Variants in WASHC4 observed in about 807,000 individuals in gnomAD.
WASHC4 encodes the protein WASH complex subunit 7.
WASHC4 carries 86 observed loss-of-function variants against 166.6 expected under a neutral mutation model. The observed-to-expected ratio is 0.52, with a 90% CI of 0.43 to 0.62. The LOEUF (loss-of-function observed/expected upper bound fraction) is 0.62, where lower values mean the gene tolerates loss of function less well. Ranked by LOEUF, WASHC4 falls within the 20% of genes least tolerant of loss-of-function variation. The probability of loss-of-function intolerance (pLI) is 0.00; values close to 1 mark genes in which losing one functional copy is unlikely to be tolerated. For synonymous variants in WASHC4, 446 were observed against 451.6 expected (o/e 0.99, Z 0.16); for missense variants, 1,262 against 1,382.4 (o/e 0.91, Z 1.38).
At chr12:105,149,476 C>T in intron 24 of WASHC4, 139 bp from the exon 25 acceptor site, 1 of 1,024,732 alleles carries the variant, frequency 9.8e-7, no homozygotes, top group Admixed American at 4.1e-5. Context: ...ATTTTCAGGT[C>T]CAATATGAAA....
At chr12:105,130,221 C>T (rs1217065654) in intron 13 of WASHC4, among the ~76,000 whole-genome samples, 1 of 152,160 alleles carries the variant, frequency 6.6e-6, no homozygotes. Flanking sequence ...TGAACTTTGC[C>T]AGGTCACACA....
At chr12:105,157,390 T>TA in intron 28 of WASHC4, 68 bp downstream of exon 28, 1 of 858,242 alleles carries the variant, frequency 1.2e-6, no homozygotes, top group Non-Finnish European at 1.9e-6. Context: ...GACCAGAGGG[T>TA]AATATGTAAT....
chr12:105,138,339 T>A (rs929569976), intron 15 of WASHC4, among the ~76,000 whole-genome samples: 3 of 147,494 alleles, frequency 2.0e-5, no homozygotes, highest in Non-Finnish European at 3.0e-5. Context: ...CTCTTGGAAG[T>A]TTTAAAAAGG....
intron 24 of WASHC4, chr12:105,148,971 G>GCA: frequency 1.0e-6 from 1 of 984,500 alleles, no homozygotes; most frequent in Non-Finnish European, 1.2e-6. Context: ...TATTGTCAAA[G>GCA]CACACATGTA....
chr12:105,139,425 G>GTGTGTATATATA, intron 15 of WASHC4, among the ~76,000 whole-genome samples: 7 of 103,224 alleles, frequency 6.8e-5, no homozygotes, highest in Admixed American at 1.1e-4. Flanking sequence ...ATGTGTGTGT[G>GTGTGTATATATA]TATATATATA....
intron 1 of WASHC4, among the ~76,000 whole-genome samples, chr12:105,110,894 A>G (rs1228515283): frequency 6.6e-6 from 1 of 152,182 alleles, no homozygotes; most frequent in Admixed American, 6.5e-5. Flanking sequence ...TTAGGGTTTT[A>G]AGGTAGTAAC....
intron 5 of WASHC4, 21 bp from the exon 6 acceptor site, chr12:105,115,640 T>C: frequency 1.3e-6 from 2 of 1,575,566 alleles, no homozygotes; most frequent in Non-Finnish European, 1.7e-6. Context: ...GAAATATGCT[T>C]ATTCATGTTG....
intron 6 of WASHC4, 63 bp from the exon 7 acceptor site, chr12:105,118,383 T>C: frequency 8.7e-7 from 1 of 1,147,586 alleles, no homozygotes; most frequent in Non-Finnish European, 1.3e-6. Context: ...ACCATAAAAT[T>C]CAGTAAAAAA....
intron 16 of WASHC4, 142 bp downstream of exon 16, chr12:105,140,543 T>C (rs1882745898): frequency 5.9e-6 from 4 of 673,564 alleles, no homozygotes; most frequent in East Asian, 5.4e-5. Context: ...TCCATAGTAT[T>C]TTACAATTTT....
At chr12:105,152,216 C>CTT in intron 25 of WASHC4, 127 bp from the exon 26 acceptor site, 1 of 637,492 alleles carries the variant, frequency 1.6e-6, no homozygotes, top group Non-Finnish European at 2.9e-6. Flanking sequence ...AATTATTAAT[C>CTT]TTAATTAATT....
At chr12:105,121,356 A>G (rs1387979553) in intron 9 of WASHC4, 152 bp downstream of exon 9, 6 of 644,356 alleles carry the variant, frequency 9.3e-6, no homozygotes, top group African/African-American at 1.8e-5. Context: ...TTATGACTAC[A>G]GTAACCATTC....
In WASHC4 at chr12:105,111,142, C is replaced by T; in HGVS notation, c.79C>T (p.Gln27Ter). 3 of 1,606,316 alleles carry T rather than the reference C, an allele frequency of 1.9e-6. No homozygotes were observed. The highest frequency in any genetic ancestry group is 2.6e-6 in the Non-Finnish European group (3 of 1,173,852). Residue 27 changes from glutamine (Q) to a stop codon, truncating the protein, a stop_gained, in exon 2 of 33, where the codon CAA becomes TAA. Transcript: ENST00000332180. LOFTEE classifies it high-confidence loss of function. Reference protein sequence around the residue: ...DGSQKIHAEVQLKNYGKFLEE... With the variant: ...DGSQKIHAEV Reference sequence around the variant, plus strand: ...AAACTTAGAAATTCATGCCGAAGTCCAACTTAAGAATTATGGGAAATTTCT... The same window carrying T: ...AAACTTAGAAATTCATGCCGAAGTCTAACTTAAGAATTATGGGAAATTTCT...
At chr12:105,163,546 G>C (rs1272706456) in intron 30 of WASHC4, among the ~76,000 whole-genome samples, 3 of 151,910 alleles carry the variant, frequency 2.0e-5, no homozygotes, top group Admixed American at 6.6e-5. Context: ...CTGTCACCCA[G>C]GCTGGAGTGC....
Position 105,142,491 on chromosome 12 carries a change from A to G in WASHC4, c.1826A>G (p.His609Arg). The change falls in exon 19 of 33, where the codon CAT becomes CGT. Residue 609 changes from histidine (H) to arginine (R), a missense_variant. Transcript: ENST00000332180. ...TQCDCCFLYW[H>R]RAVFPIYLDD... ...TGTGACTGTTGTTTTTTATACTGGC[A>G]TCGAGCTGTCTTCCCAATTTATTTA... is the stretch of plus-strand genomic sequence containing the variant. 1.2e-6 allele frequency: 2 copies of G among 1,611,170 alleles called. No individual in the cohort carries two copies. The highest frequency in any genetic ancestry group is 8.5e-7 in the Non-Finnish European group (1 of 1,178,056).
chr12:105,108,145 C>G, intron 1 of WASHC4, among the ~76,000 whole-genome samples: 1 of 152,204 alleles, frequency 6.6e-6, no homozygotes, highest in East Asian at 1.9e-4. Flanking sequence ...CCTTCAGCTG[C>G]CCCGGGGCTT....
rs200994471 is a variant in WASHC4, at chr12:105,147,149, A to G, written c.2514+3A>G. 51 of 1,570,286 alleles carry G rather than the reference A, an allele frequency of 3.2e-5. No individual in the cohort carries two copies. Among genetic ancestry groups the G allele is most frequent in the Non-Finnish European group, 4.4e-5 (50 of 1,140,132 alleles). On this transcript the variant is annotated splice_donor_region_variant and intron_variant, in intron 24 of 32. Coordinates refer to ENST00000332180, the MANE Select transcript of WASHC4 (RefSeq NM_015275.3). ...GCACGGGAATTATGAATACAACTGT[A>G]AGAACTTTTCTTTGGGGGTTGAGTG...
At chr12:105,113,281 A>AT (rs1192683004) in intron 2 of WASHC4, among the ~76,000 whole-genome samples, 1 of 151,944 alleles carries the variant, frequency 6.6e-6, no homozygotes, top group South Asian at 2.1e-4. Context: ...ATACTTGTTG[A>AT]TTTTTTTAAG....
rs746109512 is a variant in WASHC4, at chr12:105,162,752, C to T, written c.3064C>T (p.Leu1022Phe). ...ACATGTTGTTACATCTTTTTAGACC[C>T]TCAACTTTGTAGAGCATTCCATTAG... ...NFYIIVPPLT[L>F]NFVEHSISCK... Residue 1022 changes from leucine to phenylalanine, a missense_variant, in exon 30 of 33, where the codon CTC (leucine) becomes TTC (phenylalanine). By Grantham distance (22) the Leu-to-Phe change is conservative (BLOSUM62 0). Transcript: ENST00000332180. 1.0e-5 allele frequency: 16 copies of T among 1,556,862 alleles called. No homozygotes were observed. In the South Asian group the frequency reaches 1.7e-4, roughly 16 times the overall value.
At chr12:105,156,520 TTA>T (rs1190983799) in intron 26 of WASHC4, 3 of 307,386 alleles carry the variant, frequency 9.8e-6, no homozygotes, top group Non-Finnish European at 1.8e-5. Flanking sequence ...TTTAATATAG[TTA>T]TATATAAGTA....
Sources: allele counts gnomAD v4.1 joint callset (sites outside exome capture counted in the v4.1 genomes callset), GRCh38; gene constraint gnomAD v4.1.1; transcripts MANE v1.5; gene names NCBI Gene and HGNC (gene_info 2026-07-23, HGNC 2026-07-21).